Variants in ASB4 observed in about 807,000 individuals in gnomAD.
ASB4 encodes ankyrin repeat and SOCS box containing 4, also known as ankyrin repeat and SOCS box protein 4.
A neutral mutation model predicts 38.6 loss-of-function variants in ASB4; 35 were observed. The ratio of observed to expected loss-of-function variants is 0.91; its 90% CI spans 0.69 to 1.20. The LOEUF is 1.20. ASB4 is among the 50% of genes most tolerant of loss of function. ASB4 has a pLI of 0.00. For synonymous variants in ASB4, 195 were observed against 201.3 expected, an observed-to-expected ratio of 0.97 and a Z score of 0.26; for missense variants, 557 against 527.2, an observed-to-expected ratio of 1.06 and a Z score of -0.55.
At chr7:95,549,043 T>G in the ASB4 span, among the ~76,000 whole-genome samples, 22 of 152,262 alleles carry the variant, frequency 1.4e-4, no homozygotes, top group African/African-American at 4.8e-4. Context: ...TTTAAAACCA[T>G]TATGCTATCC....
chr7:95,482,937 A>G (rs771303140), upstream of ASB4, among the ~76,000 whole-genome samples: 26 of 152,304 alleles, frequency 1.7e-4, no homozygotes, highest in East Asian at 5.8e-4. Flanking sequence ...GCGGCTCAGC[A>G]TTAGAGAGAA....
upstream of ASB4, among the ~76,000 whole-genome samples, chr7:95,481,443 A>T (rs1790020773): frequency 1.3e-5 from 2 of 152,228 alleles, no homozygotes; most frequent in South Asian, 4.1e-4. Flanking sequence ...AAGGGATGTC[A>T]GACCACTTAA....
chr7:95,474,072 G>A (rs1156337615), upstream of ASB4: 1 of 152,160 alleles, frequency 6.6e-6, no homozygotes, highest in African/African-American at 2.4e-5. Context: ...TGTGGTATTT[G>A]CTAAAAGTTG....
upstream of ASB4, among the ~76,000 whole-genome samples, chr7:95,474,609 C>T (rs994383506): frequency 6.6e-5 from 10 of 152,104 alleles, no homozygotes; most frequent in Admixed American, 2.6e-4. Context: ...GCAGCCTTAA[C>T]CTCCTGGGCT....
intron 3 of ASB4, among the ~76,000 whole-genome samples, chr7:95,533,829 C>T (rs1036579446): frequency 3.3e-5 from 5 of 152,208 alleles, no homozygotes; most frequent in African/African-American, 1.2e-4. Context: ...CAGTCCCTTG[C>T]ACATAGTAAG....
chr7:95,500,766 T>C (rs1022261135), intron 2 of ASB4, among the ~76,000 whole-genome samples: 1 of 152,130 alleles, frequency 6.6e-6, no homozygotes, highest in Non-Finnish European at 1.5e-5. Flanking sequence ...TCCTGTCTCA[T>C]ACATCTTCAA....
chr7:95,508,551 T>C (rs575611647), intron 2 of ASB4, among the ~76,000 whole-genome samples: 5 of 152,246 alleles, frequency 3.3e-5, no homozygotes, highest in South Asian at 2.1e-4. Flanking sequence ...GAGGGTCCAA[T>C]TGAGTTTTGA....
At chr7:95,510,310 CCTTTT>C (rs1333374841) in intron 2 of ASB4, among the ~76,000 whole-genome samples, 7 of 152,158 alleles carry the variant, frequency 4.6e-5, no homozygotes, top group Non-Finnish European at 8.8e-5. Context: ...CTGATCCTTT[CCTTTT>C]AAGTATCATG....
rs773757488 is a variant in ASB4, at chr7:95,537,687, A to G, written c.1209A>G (p.Ala403=). 15 of 1,613,936 alleles carry G rather than the reference A, an allele frequency of 9.3e-6. No individual in the cohort carries two copies. Among genetic ancestry groups the G allele is most frequent in the Non-Finnish European group, 1.3e-5 (15 of 1,179,854 alleles). ...RRTLHNRCHR[A]IPLLSLPLSL... The stretch of plus-strand genomic sequence containing the variant: ...CATTACACAACAGATGCCATAGAGC[A>G]ATTCCTTTGCTTTCCCTCCCATTGT... The change falls in exon 5 of 5, where the codon GCA becomes GCG. Residue 403 remains alanine, a synonymous_variant. Transcript: ENST00000325885.
the ASB4 span, among the ~76,000 whole-genome samples, chr7:95,545,494 T>C: frequency 4.6e-5 from 7 of 152,222 alleles, no homozygotes; most frequent in Non-Finnish European, 1.5e-5. Context: ...CATTAGTAAT[T>C]CCATTCATTC....
chr7:95,514,699 C>T (rs987753540), intron 2 of ASB4, among the ~76,000 whole-genome samples: 25 of 152,164 alleles, frequency 1.6e-4, no homozygotes, highest in Non-Finnish European at 1.3e-4. Context: ...TACAAAGAAG[C>T]GCAACCTGGA....
upstream of ASB4, chr7:95,485,891 G>A (rs767242589): frequency 3.5e-4 from 448 of 1,262,626 alleles, 1 homozygote; most frequent in Non-Finnish European, 4.6e-4. Context: ...CCGACAGTTT[G>A]TGGACTCTCC....
At chr7:95,545,828 T>C in the ASB4 span, among the ~76,000 whole-genome samples, 10 of 152,234 alleles carry the variant, frequency 6.6e-5, no homozygotes, top group East Asian at 1.7e-3. Flanking sequence ...AAATGAGATA[T>C]GCATGTTTCT....
intron 2 of ASB4, among the ~76,000 whole-genome samples, chr7:95,505,313 G>T (rs1021492557): frequency 6.6e-6 from 1 of 151,306 alleles, no homozygotes; most frequent in African/African-American, 2.5e-5. Flanking sequence ...CTGTATACCA[G>T]AAATAAGCAG....
intron 3 of ASB4, 143 bp downstream of exon 3, chr7:95,528,446 T>C (rs1790776384): frequency 6.8e-7 from 1 of 1,477,278 alleles, no homozygotes. Context: ...ATTACATACC[T>C]AATCCTAGCT....
intron 1 of ASB4, among the ~76,000 whole-genome samples, chr7:95,486,943 C>T (rs762509577): frequency 3.3e-5 from 5 of 152,110 alleles, no homozygotes; most frequent in Admixed American, 6.5e-5. Flanking sequence ...ATTGGGGGAA[C>T]GTGAGTAGTT....
At chr7:95,549,708 A>G in the ASB4 span, among the ~76,000 whole-genome samples, 1 of 152,154 alleles carries the variant, frequency 6.6e-6, no homozygotes, top group Non-Finnish European at 1.5e-5. Context: ...GCTGTTTGTT[A>G]TTAGACTCTG....
intron 3 of ASB4, among the ~76,000 whole-genome samples, chr7:95,534,305 T>C (rs1280874038): frequency 2.6e-5 from 4 of 151,652 alleles, no homozygotes; most frequent in African/African-American, 4.8e-5. Flanking sequence ...ATTGCACCAT[T>C]GCACTCCAGC....
At chr7:95,491,995 C>T (rs1790178088) in intron 1 of ASB4, among the ~76,000 whole-genome samples, 1 of 152,222 alleles carries the variant, frequency 6.6e-6, no homozygotes, top group African/African-American at 2.4e-5. Context: ...TCAGTATACC[C>T]TAAGCTATAG....
Sources: allele counts gnomAD v4.1 joint callset (sites outside exome capture counted in the v4.1 genomes callset), GRCh38; gene constraint gnomAD v4.1.1; transcripts MANE v1.5; gene names NCBI Gene and HGNC (gene_info 2026-07-23, HGNC 2026-07-21).